FBXW11: variants seen among roughly 807,000 people sequenced by gnomAD.
FBXW11 encodes the protein F-box/WD repeat-containing protein 11.
Under a neutral mutation model 77.6 loss-of-function variants are expected in FBXW11, and 19 were observed. The ratio of observed to expected loss-of-function variants is 0.24; its 90% CI spans 0.17 to 0.36. FBXW11 has a LOEUF of 0.36. Among genes scored for constraint, FBXW11 ranks in the 10% least tolerant of loss-of-function variants. The probability of loss-of-function intolerance (pLI) is 1.00; values close to 1 mark genes in which losing one functional copy is unlikely to be tolerated. For synonymous variants in FBXW11, 235 were observed against 249.4 expected (o/e 0.94, Z 0.54); for missense variants, 334 against 704.2 (o/e 0.47, Z 5.95).
rs549802729 is a variant in FBXW11 at position 172,006,256 on chromosome 5, G to T, written c.45+202C>A. 3.9e-4 allele frequency among the ~76,000 whole-genome samples: 59 copies of T among 152,334 alleles called. 3 individuals carry two copies. The South Asian group carries it at 0.011, about 28-fold the overall frequency. On this transcript the variant is annotated intron_variant, in intron 1 of 13. Coordinates refer to ENST00000517395, the MANE Select transcript of FBXW11 (RefSeq NM_001378974.1). ...GGGGGAGAAGCGAGGGGCATGGAGG[G>T]GGCCGGGCCAGGACCGGCCGGAGAT...
chr5:171,942,853 T>C (rs1317276555), intron 2 of FBXW11, among the ~76,000 whole-genome samples: 1 of 152,026 alleles, frequency 6.6e-6, no homozygotes, highest in Non-Finnish European at 1.5e-5. Flanking sequence ...TAAAAATAAA[T>C]TATTATTTTT....
intron 2 of FBXW11, among the ~76,000 whole-genome samples, chr5:171,939,855 C>T (rs559462989): frequency 1.3e-5 from 2 of 152,056 alleles, no homozygotes; most frequent in African/African-American, 2.4e-5. Flanking sequence ...ACACTCTTCC[C>T]GCTATGGATA....
chr5:171,990,434 G>A (rs1448394279), intron 1 of FBXW11, among the ~76,000 whole-genome samples: 4 of 152,124 alleles, frequency 2.6e-5, no homozygotes, highest in Non-Finnish European at 4.4e-5. Context: ...TGTGACTGGA[G>A]GGCAATGTGG....
intron 10 of FBXW11, among the ~76,000 whole-genome samples, chr5:171,872,312 G>A (rs1054089335): frequency 6.6e-6 from 1 of 152,202 alleles, no homozygotes; most frequent in African/African-American, 2.4e-5. Context: ...AGTCACTTAT[G>A]TAATGCCACT....
chr5:171,985,134 T>C (rs778849389), intron 1 of FBXW11, among the ~76,000 whole-genome samples: 6 of 152,186 alleles, frequency 3.9e-5, no homozygotes, highest in Non-Finnish European at 7.3e-5. Flanking sequence ...TCTGTTACTA[T>C]CTCATCTTTC....
rs115367568 is a variant in FBXW11 at position 171,872,616 on chromosome 5, T to G, written c.1340+256A>C. On this transcript the variant is annotated intron_variant, in intron 10 of 13. Transcript: ENST00000517395. ...CACCCTAGCCTGTTCTGAAGTGCTC[T>G]GGTATTAAGTGATCCCAGGTGGAGC... is the stretch of plus-strand genomic sequence containing the variant. Among the ~76,000 whole-genome samples, 457 of 152,344 alleles carry G rather than the reference T, an allele frequency of 3.0e-3. 1 individual carries two copies. Among genetic ancestry groups the G allele is most frequent in the African/African-American group, 0.011 (439 of 41,584 alleles).
intron 1 of FBXW11, among the ~76,000 whole-genome samples, chr5:171,992,211 C>T (rs915184670): frequency 6.6e-6 from 1 of 151,480 alleles, no homozygotes; most frequent in Non-Finnish European, 1.5e-5. Context: ...AGGCAGACCA[C>T]AAGGTCAGCA....
chr5:171,875,087 C>G (rs1757989808), intron 9 of FBXW11, among the ~76,000 whole-genome samples: 1 of 152,078 alleles, frequency 6.6e-6, no homozygotes, highest in Non-Finnish European at 1.5e-5. Flanking sequence ...AACTAATAAA[C>G]AGATGAACAA....
At chr5:171,933,471 G>C (rs1762321657) in intron 2 of FBXW11, among the ~76,000 whole-genome samples, 1 of 152,184 alleles carries the variant, frequency 6.6e-6, no homozygotes. Context: ...ACAACACCAA[G>C]AATAAATCCT....
chr5:171,895,650 C>T (rs1270817120), intron 6 of FBXW11, among the ~76,000 whole-genome samples: 1 of 152,202 alleles, frequency 6.6e-6, no homozygotes, highest in Non-Finnish European at 1.5e-5. Context: ...AACTCTAGGG[C>T]TGTTATAACA....
chr5:171,931,436 G>A (rs768650890), intron 2 of FBXW11, among the ~76,000 whole-genome samples: 5 of 152,146 alleles, frequency 3.3e-5, no homozygotes, highest in Non-Finnish European at 7.3e-5. Flanking sequence ...AAGTCAATAC[G>A]ATGAAGAGTC....
chr5:171,952,727 G>A (rs1317581751), intron 2 of FBXW11, among the ~76,000 whole-genome samples: 2 of 151,534 alleles, frequency 1.3e-5, no homozygotes, highest in Non-Finnish European at 2.9e-5. Context: ...TGGGATTACT[G>A]GCGTGAGCCA....
intron 2 of FBXW11, among the ~76,000 whole-genome samples, chr5:171,942,681 T>C (rs1296277508): frequency 6.6e-6 from 1 of 152,030 alleles, no homozygotes; most frequent in African/African-American, 2.4e-5. Flanking sequence ...CACACACCTG[T>C]AGTCCAGTTG....
intron 2 of FBXW11, among the ~76,000 whole-genome samples, chr5:171,940,142 G>C (rs1467628406): frequency 3.3e-5 from 5 of 152,214 alleles, no homozygotes; most frequent in South Asian, 2.1e-4. Flanking sequence ...AAAACTACTT[G>C]ATATGCATTC....
intron 2 of FBXW11, among the ~76,000 whole-genome samples, chr5:171,955,122 A>G (rs893090470): frequency 6.6e-6 from 1 of 152,228 alleles, no homozygotes; most frequent in African/African-American, 2.4e-5. Flanking sequence ...TAAGTCTCTG[A>G]TACCTGTTTT....
At chr5:172,000,569 A>T (rs1484364004) in intron 1 of FBXW11, among the ~76,000 whole-genome samples, 2 of 152,202 alleles carry the variant, frequency 1.3e-5, no homozygotes, top group Non-Finnish European at 2.9e-5. Context: ...ACAAATAAAT[A>T]CATGCGCAAC....
intron 7 of FBXW11, among the ~76,000 whole-genome samples, chr5:171,887,702 C>A (rs554893133): frequency 6.6e-6 from 1 of 151,402 alleles, no homozygotes; most frequent in African/African-American, 2.4e-5. Flanking sequence ...CAGAGTCTTG[C>A]TCTGAATTGC....
At chr5:171,949,508 T>C (rs545233392) in intron 2 of FBXW11, among the ~76,000 whole-genome samples, 19 of 152,270 alleles carry the variant, frequency 1.2e-4, no homozygotes, top group African/African-American at 4.6e-4. Flanking sequence ...GTAAACATTT[T>C]TTCAAAACTT....
chr5:171,994,997 C>T (rs911181495), intron 1 of FBXW11, among the ~76,000 whole-genome samples: 1 of 152,090 alleles, frequency 6.6e-6, no homozygotes, highest in Admixed American at 6.6e-5. Context: ...ACAATCTCAC[C>T]AGAGGAGAAA....
Sources: gnomAD v4.1 joint callset for allele counts (sites outside exome capture counted in the v4.1 genomes callset) on GRCh38, gnomAD v4.1.1 for gene constraint, MANE v1.5 for transcripts, NCBI Gene and HGNC (gene_info 2026-07-23, HGNC 2026-07-21) for gene names.